Variants in PRKG1 observed in about 807,000 individuals in gnomAD.
PRKG1 encodes the protein cGMP-dependent protein kinase 1.
Under a neutral mutation model 88.1 loss-of-function variants are expected in PRKG1, and 35 were observed. That is an observed-to-expected ratio of 0.40 (90% CI 0.30 to 0.53). The LOEUF (loss-of-function observed/expected upper bound fraction) is 0.53, where lower values mean the gene tolerates loss of function less well. Ranked by LOEUF, PRKG1 falls within the 20% of genes least tolerant of loss-of-function variation. The pLI, the probability that PRKG1 is intolerant of heterozygous loss-of-function variation, is 0.59. For synonymous variants in PRKG1, 303 were observed against 292.5 expected (o/e 1.04, Z -0.37); for missense variants, 540 against 839.8 (o/e 0.64, Z 4.41).
chr10:51,680,300 G>A (rs1354705141), intron 3 of PRKG1, among the ~76,000 whole-genome samples: 1 of 149,640 alleles, frequency 6.7e-6, no homozygotes, highest in Non-Finnish European at 1.5e-5. Flanking sequence ...AAAAAAAAAA[G>A]AATACTTAAA....
rs192490632 is a variant in PRKG1 at position 52,111,883 on chromosome 10, T to C, written c.936-21957T>C. 2.6e-3 allele frequency among the ~76,000 whole-genome samples: 397 copies of C among 152,338 alleles called. 6 individuals carry two copies. Among genetic ancestry groups the C allele is most frequent in the African/African-American group, 8.9e-3 (372 of 41,574 alleles). ...TGCTCTTCCCATATCTTTCTTCTTC[T>C]CGCATACTACTTAACATTAGCAGAG... is the stretch of plus-strand genomic sequence containing the variant. On this transcript the variant is annotated intron_variant, in intron 7 of 17. Transcript: ENST00000373980.
chr10:51,474,054 T>G (rs1166781309), intron 3 of PRKG1, among the ~76,000 whole-genome samples: 1 of 151,986 alleles, frequency 6.6e-6, no homozygotes, highest in South Asian at 2.1e-4. Context: ...CTAATGAATG[T>G]TTCCACAGTA....
chr10:52,088,224 A>G (rs1245017652), intron 7 of PRKG1, among the ~76,000 whole-genome samples: 2 of 151,928 alleles, frequency 1.3e-5, no homozygotes, highest in African/African-American at 2.4e-5. Flanking sequence ...AATTTGAAAA[A>G]CTTCACATCC....
At chr10:51,184,050 C>A (rs1469294369) in intron 2 of PRKG1, among the ~76,000 whole-genome samples, 1 of 152,122 alleles carries the variant, frequency 6.6e-6, no homozygotes, top group East Asian at 1.9e-4. Context: ...TATTCCTGTA[C>A]AAACATTTAT....
intron 5 of PRKG1, among the ~76,000 whole-genome samples, chr10:51,987,038 T>C (rs957120044): frequency 5.9e-5 from 9 of 152,162 alleles, no homozygotes; most frequent in Non-Finnish European, 1.0e-4. Flanking sequence ...TTTGAGTATA[T>C]ATTTTTGATT....
In PRKG1 at chr10:51,074,585, A is replaced by T. The variant is rs1224798282; in HGVS notation, c.-6A>T. The T allele has an allele frequency of 6.2e-7, 1 of 1,604,430 alleles. No homozygotes were observed. Among genetic ancestry groups the T allele is most frequent in the African/African-American group, 1.3e-5 (1 of 74,876 alleles). ...CAGGAAGGAGCCCCCGGCAGCCCGGAGGAGCATGGGCACCTTGCGGGATTT... is the reference window on the plus strand; with the variant it reads ...CAGGAAGGAGCCCCCGGCAGCCCGGTGGAGCATGGGCACCTTGCGGGATTT... On this transcript the variant is annotated 5_prime_UTR_variant, in exon 1 of 18. Transcript: ENST00000373980.
chr10:51,113,728 T>TAAAA (rs59764267), intron 1 of PRKG1, among the ~76,000 whole-genome samples: 2,310 of 92,144 alleles, frequency 0.025, 23 homozygotes, highest in African/African-American at 0.032. Context: ...GCATTCTATT[T>TAAAA]AAAAAAAAAA....
intron 4 of PRKG1, among the ~76,000 whole-genome samples, chr10:51,823,648 A>T (rs1315541297): frequency 6.6e-6 from 1 of 152,024 alleles, no homozygotes; most frequent in East Asian, 1.9e-4. Context: ...AAACATTTCG[A>T]TGTTTGAGAG....
intron 2 of PRKG1, among the ~76,000 whole-genome samples, chr10:51,466,608 T>A (rs1471400394): frequency 6.6e-6 from 1 of 152,030 alleles, no homozygotes; most frequent in African/African-American, 2.4e-5. Context: ...CCATAGTATT[T>A]GAAAATAATT....
intron 4 of PRKG1, among the ~76,000 whole-genome samples, chr10:51,850,447 T>A (rs370320429): frequency 7.9e-5 from 12 of 152,074 alleles, no homozygotes; most frequent in East Asian, 3.9e-4. Context: ...AAAATGCTGG[T>A]ATTACAGGCA....
chr10:52,053,628 A>G (rs1232777348), intron 5 of PRKG1, among the ~76,000 whole-genome samples: 1 of 152,134 alleles, frequency 6.6e-6, no homozygotes, highest in East Asian at 1.9e-4. Flanking sequence ...ACCTCTCCTT[A>G]TTGAAATTAC....
chr10:51,247,793 C>T (rs1839331835), intron 2 of PRKG1, among the ~76,000 whole-genome samples: 2 of 151,826 alleles, frequency 1.3e-5, no homozygotes, highest in African/African-American at 4.8e-5. Context: ...TCTTTTCTCT[C>T]TCTTCTGTTT....
intron 2 of PRKG1, among the ~76,000 whole-genome samples, chr10:51,348,854 G>C (rs901694891): frequency 3.3e-5 from 5 of 152,148 alleles, no homozygotes; most frequent in Non-Finnish European, 7.4e-5. Context: ...TCCCTGATTT[G>C]TGTAGGGGTT....
intron 2 of PRKG1, among the ~76,000 whole-genome samples, chr10:51,426,015 C>G (rs1838571082): frequency 6.6e-6 from 1 of 152,154 alleles, no homozygotes; most frequent in Non-Finnish European, 1.5e-5. Context: ...GTGGCTCATG[C>G]CTGTAATCCC....
rs113275321 is a variant in PRKG1, at chr10:52,064,504, A to C, written c.935+1873A>C. ...GAGGGCAGGGATCTTGTCAGCTCCT[A>C]GTCCCCCAACAGCACAGGGGAGGCC... On this transcript the variant is annotated intron_variant, in intron 7 of 17. Coordinates refer to ENST00000373980, the MANE Select transcript of PRKG1 (RefSeq NM_006258.4). 2.6e-5 allele frequency among the ~76,000 whole-genome samples: 4 copies of C among 152,166 alleles called. No individual in the cohort carries two copies. The East Asian group carries it at 5.8e-4, about 22-fold the overall frequency.
chr10:52,056,106 AATGACATGT>A (rs1846105134), intron 6 of PRKG1, among the ~76,000 whole-genome samples: 1 of 152,200 alleles, frequency 6.6e-6, no homozygotes, highest in Non-Finnish European at 1.5e-5. Flanking sequence ...GATATCATGA[AATGACATGT>A]CTGACCACGG....
intron 9 of PRKG1, among the ~76,000 whole-genome samples, chr10:52,179,467 TG>T (rs1304611988): frequency 6.6e-6 from 1 of 152,212 alleles, no homozygotes; most frequent in Non-Finnish European, 1.5e-5. Context: ...TTTATTCTAA[TG>T]GGGGTTCCCT....
intron 2 of PRKG1, among the ~76,000 whole-genome samples, chr10:51,217,505 G>A (rs1277271170): frequency 6.6e-6 from 1 of 151,952 alleles, no homozygotes; most frequent in Non-Finnish European, 1.5e-5. Flanking sequence ...ACATTGTGAG[G>A]GTGTTGGATT....
At chr10:51,742,117 C>T (rs936699408) in intron 3 of PRKG1, among the ~76,000 whole-genome samples, 1 of 152,192 alleles carries the variant, frequency 6.6e-6, no homozygotes, top group Non-Finnish European at 1.5e-5. Flanking sequence ...CACATTCTTA[C>T]TTCTAGTGTG....
Sources: gnomAD v4.1 joint callset for allele counts (sites outside exome capture counted in the v4.1 genomes callset) on GRCh38, gnomAD v4.1.1 for gene constraint, MANE v1.5 for transcripts, NCBI Gene and HGNC (gene_info 2026-07-23, HGNC 2026-07-21) for gene names.